Variants in AKT3 observed in about 807,000 individuals in gnomAD.
AKT3 encodes the protein AKT serine/threonine kinase 3.
AKT3 carries 15 observed loss-of-function variants against 65.3 expected under a neutral mutation model. The observed-to-expected ratio is 0.23, with a 90% confidence interval of 0.15 to 0.35. The LOEUF (loss-of-function observed/expected upper bound fraction) is 0.35. Among genes scored for constraint, AKT3 ranks in the 10% least tolerant of loss-of-function variants. The pLI is 1.00. For synonymous variants in AKT3, 206 were observed against 183.8 expected (o/e 1.12, Z -0.98); for missense variants, 243 against 576.5 (o/e 0.42, Z 5.92).
At chr1:243,556,135 C>G (rs928459583) in intron 10 of AKT3, among the ~76,000 whole-genome samples, 3 of 152,090 alleles carry the variant, frequency 2.0e-5, no homozygotes, top group Admixed American at 6.6e-5. Context: ...AACTGCTTTA[C>G]TTTATGATAC....
intron 12 of AKT3, among the ~76,000 whole-genome samples, chr1:243,535,092 A>C (rs116260792): frequency 0.011 from 1,496 of 137,114 alleles, 12 homozygotes; most frequent in Non-Finnish European, 0.016. Context: ...CATGTTAAGT[A>C]AGTGTATTTC....
chr1:243,560,209 G>C lies in AKT3; in HGVS notation c.948+3511C>G, dbSNP rs192087446. The stretch of plus-strand genomic sequence containing the variant: ...AGTAAAGCAGTTATTTTCTTGCACA[G>C]TAATAACTGTTTTCCATGTCTTATC... On this transcript the variant is annotated intron_variant, in intron 10 of 13. Transcript: ENST00000673466. Among the ~76,000 whole-genome samples, 18 of 152,144 alleles carry C rather than the reference G, an allele frequency of 1.2e-4. No individual in the cohort carries two copies. The East Asian group carries it at 3.5e-3, about 29-fold the overall frequency.
At chr1:243,597,857 A>C (rs531134250) in intron 8 of AKT3, among the ~76,000 whole-genome samples, 7 of 152,364 alleles carry the variant, frequency 4.6e-5, no homozygotes, top group African/African-American at 1.7e-4. Flanking sequence ...CACATAGTAC[A>C]GTGCCTGCCT....
At chr1:243,492,036 C>T (rs930533792) in intron 13 of AKT3, among the ~76,000 whole-genome samples, 7 of 152,108 alleles carry the variant, frequency 4.6e-5, no homozygotes, top group African/African-American at 1.4e-4. Context: ...GCCCCGCTGC[C>T]CCTGGTGGTG....
rs189091517 is a variant in AKT3 at position 243,631,754 on chromosome 1, T to C, written c.561+5857A>G. On this transcript the variant is annotated intron_variant, in intron 6 of 13. Coordinates refer to ENST00000673466, the MANE Select transcript of AKT3 (RefSeq NM_005465.7). Reference sequence around the variant, plus strand: ...GCCACTGCTTTATCAACTAAGTTTATGTAATTTTCTAAATCCTTTGCTGTT... The same window carrying C: ...GCCACTGCTTTATCAACTAAGTTTACGTAATTTTCTAAATCCTTTGCTGTT... Among the ~76,000 whole-genome samples the C allele has an allele frequency of 3.3e-4, 50 of 152,376 alleles. 2 individuals are homozygous for C. In the East Asian group the frequency reaches 7.5e-3, roughly 23 times the overall value.
intron 2 of AKT3, among the ~76,000 whole-genome samples, chr1:243,752,539 A>C (rs970872865): frequency 6.6e-6 from 1 of 152,220 alleles, no homozygotes; most frequent in African/African-American, 2.4e-5. Context: ...TCACTTGCCA[A>C]ATTTAATTTT....
intron 3 of AKT3, among the ~76,000 whole-genome samples, chr1:243,693,242 TGATATATATATATATA>T (rs1390793001): frequency 0.012 from 738 of 59,976 alleles, 92 homozygotes; most frequent in Middle Eastern, 0.022. Context: ...AGCTACAATT[TGATATATATATATATA>T]TATATATATA....
chr1:243,785,796 C>G (rs932419005), intron 2 of AKT3, among the ~76,000 whole-genome samples: 4 of 152,206 alleles, frequency 2.6e-5, no homozygotes, highest in African/African-American at 9.7e-5. Flanking sequence ...CAGCTAGCAA[C>G]AGCTAAACTT....
chr1:243,667,986 C>G (rs181499527), intron 3 of AKT3, among the ~76,000 whole-genome samples: 1 of 152,144 alleles, frequency 6.6e-6, no homozygotes, highest in Non-Finnish European at 1.5e-5. Context: ...CAATCTGCAC[C>G]CCTTACCTAG....
intron 4 of AKT3, among the ~76,000 whole-genome samples, chr1:243,662,263 T>C (rs1482074786): frequency 6.6e-6 from 1 of 152,110 alleles, no homozygotes; most frequent in Non-Finnish European, 1.5e-5. Flanking sequence ...ACATGTATGT[T>C]TATTGTGGCA....
At chr1:243,819,905 C>A (rs887773520) in intron 2 of AKT3, among the ~76,000 whole-genome samples, 2 of 152,004 alleles carry the variant, frequency 1.3e-5, no homozygotes, top group Non-Finnish European at 2.9e-5. Context: ...AGCAGCCCTA[C>A]GGGAGAGGGG....
intron 5 of AKT3, among the ~76,000 whole-genome samples, chr1:243,642,442 T>C (rs1680478588): frequency 6.6e-6 from 1 of 152,294 alleles, no homozygotes; most frequent in South Asian, 2.1e-4. Flanking sequence ...CCCGAGTAGC[T>C]GGGACTACAG....
Position 243,488,449 on chromosome 1 carries a change from GACT to G in AKT3, c.*7-2_*7del. The G allele has an allele frequency of 2.5e-5, 4 of 162,712 alleles. No homozygotes were observed. Among genetic ancestry groups the G allele is most frequent in the South Asian group, 1.7e-4 (1 of 5,836 alleles). 10.1% of individuals were successfully genotyped at this position (162,712 alleles called of 1,614,324 possible). On this transcript the variant is annotated splice_acceptor_variant and 3_prime_UTR_variant, in exon 14 of 14. Coordinates refer to the AKT3 transcript ENST00000336199. LOFTEE classifies it low-confidence loss of function (3UTR_SPLICE). ...ACTGTGCTGCTGGCTGTAGGAAGCC[GACT>G]GTGGACAGATGAGGATAATGGTCTG... is the stretch of plus-strand genomic sequence containing the variant.
chr1:243,574,195 AGTCAT>A (rs1347025206), intron 8 of AKT3, among the ~76,000 whole-genome samples: 2 of 152,128 alleles, frequency 1.3e-5, no homozygotes, highest in Non-Finnish European at 2.9e-5. Context: ...CATACACCAA[AGTCAT>A]TATTTCAAGT....
chr1:243,798,134 G>A (rs1362204053), intron 2 of AKT3, among the ~76,000 whole-genome samples: 22 of 148,072 alleles, frequency 1.5e-4, no homozygotes, highest in African/African-American at 3.1e-4. Flanking sequence ...CGCCTGCCTC[G>A]GCCTCCCAAA....
chr1:243,540,807 A>G (rs1311103502), intron 12 of AKT3, among the ~76,000 whole-genome samples: 1 of 152,104 alleles, frequency 6.6e-6, no homozygotes, highest in Non-Finnish European at 1.5e-5. Flanking sequence ...TGAGGCTAAC[A>G]CTTTTAAAGT....
chr1:243,823,610 T>G, intron 2 of AKT3, among the ~76,000 whole-genome samples: 1 of 152,136 alleles, frequency 6.6e-6, no homozygotes, highest in Non-Finnish European at 1.5e-5. Flanking sequence ...ATCACAAGCA[T>G]TCCTATACAC....
intron 7 of AKT3, among the ~76,000 whole-genome samples, chr1:243,614,807 G>A (rs1289571436): frequency 6.6e-6 from 1 of 151,990 alleles, no homozygotes; most frequent in Non-Finnish European, 1.5e-5. Context: ...TAAAATGCCA[G>A]AGGTAATGTA....
chr1:243,772,195 T>G (rs569065081), intron 2 of AKT3, among the ~76,000 whole-genome samples: 3 of 152,186 alleles, frequency 2.0e-5, no homozygotes, highest in African/African-American at 4.8e-5. Context: ...AAATGGGATC[T>G]AATTAAACTA....
Sources: gnomAD v4.1 joint callset for allele counts (sites outside exome capture counted in the v4.1 genomes callset) on GRCh38, gnomAD v4.1.1 for gene constraint, MANE v1.5 for transcripts, NCBI Gene and HGNC (gene_info 2026-07-23, HGNC 2026-07-21) for gene names.